NDUFS1: variants seen among roughly 807,000 people sequenced by gnomAD.
NDUFS1 encodes the protein NADH:ubiquinone oxidoreductase core subunit S1, also known as NADH-ubiquinone oxidoreductase 75 kDa subunit, mitochondrial.
Under a neutral mutation model 84.4 loss-of-function variants are expected in NDUFS1, and 61 were observed. That is an observed-to-expected ratio of 0.72 (90% CI 0.59 to 0.89). The LOEUF is 0.89. NDUFS1 is among the 40% of genes least tolerant of loss of function. The pLI is 0.00. For synonymous variants in NDUFS1, 275 were observed against 290.0 expected, an observed-to-expected ratio of 0.95 and a Z score of 0.53; for missense variants, 891 against 890.0, an observed-to-expected ratio of 1.00 and a Z score of -0.01.
In NDUFS1 at chr2:206,115,640, T is replaced by C. The variant is rs532867655; in HGVS notation, c.*8545A>G. 1 of 330,056 alleles carries C rather than the reference T, an allele frequency of 3.0e-6. No individual in the cohort carries two copies. Among genetic ancestry groups the C allele is most frequent in the African/African-American group, 2.2e-5 (1 of 45,702 alleles). 20.4% of individuals were successfully genotyped at this position (330,056 alleles called of 1,614,324 possible). On this transcript the variant is annotated 3_prime_UTR_variant, in exon 19 of 19. Coordinates refer to ENST00000233190, the MANE Select transcript of NDUFS1 (RefSeq NM_005006.7). ...AAAAACAGCACCAGCAAATGCAGTG[T>C]ATTGCAAAATTAAGATAGTGTTGTT... is the stretch of plus-strand genomic sequence containing the variant.
intron 8 of NDUFS1, among the ~76,000 whole-genome samples, 161 bp from the exon 9 acceptor site, chr2:206,145,187 C>CA: frequency 6.6e-6 from 1 of 151,100 alleles, no homozygotes; most frequent in African/African-American, 2.4e-5. Flanking sequence ...AACCCCCCAC[C>CA]TTTTTTTTTG....
intron 8 of NDUFS1, among the ~76,000 whole-genome samples, chr2:206,146,170 A>G (rs1692147073): frequency 6.6e-6 from 1 of 152,218 alleles, no homozygotes; most frequent in Admixed American, 6.5e-5. Context: ...CTACTAAACT[A>G]TGCAGACACA....
chr2:206,141,444 A>C (rs898154757), intron 12 of NDUFS1, among the ~76,000 whole-genome samples: 27 of 152,022 alleles, frequency 1.8e-4, no homozygotes, highest in Non-Finnish European at 3.4e-4. Context: ...AGGCAGGAGA[A>C]TGGCGTGAAC....
At chr2:206,158,051 C>A (rs1222324947) in intron 1 of NDUFS1, among the ~76,000 whole-genome samples, 1 of 151,118 alleles carries the variant, frequency 6.6e-6, no homozygotes, top group African/African-American at 2.4e-5. Context: ...GCAAGCCCCG[C>A]CACCCGGGTT....
At chr2:206,141,095 G>T (rs1384029829) in intron 12 of NDUFS1, among the ~76,000 whole-genome samples, 1 of 151,886 alleles carries the variant, frequency 6.6e-6, no homozygotes, top group Non-Finnish European at 1.5e-5. Context: ...TAAAAGACTC[G>T]CAAGGAGAGG....
At chr2:206,136,262 CA>C (rs1691708561) in intron 13 of NDUFS1, among the ~76,000 whole-genome samples, 1 of 150,640 alleles carries the variant, frequency 6.6e-6, no homozygotes, top group African/African-American at 2.4e-5. Flanking sequence ...CCATGGTGGT[CA>C]GGCTGGTCTC....
intron 1 of NDUFS1, among the ~76,000 whole-genome samples, chr2:206,154,748 TGAAG>T (rs1687568125): frequency 6.6e-6 from 1 of 150,626 alleles, no homozygotes; most frequent in Non-Finnish European, 1.5e-5. Flanking sequence ...CTCAGCCTCC[TGAAG>T]AGCTGGGATT....
chr2:206,137,796 T>A (rs536179663), intron 13 of NDUFS1, among the ~76,000 whole-genome samples: 1 of 152,234 alleles, frequency 6.6e-6, no homozygotes, highest in South Asian at 2.1e-4. Flanking sequence ...ATAGAAGGAC[T>A]GGTAAAATTT....
intron 13 of NDUFS1, among the ~76,000 whole-genome samples, chr2:206,133,761 TGAG>T (rs1393828345): frequency 6.6e-6 from 1 of 152,198 alleles, no homozygotes; most frequent in Non-Finnish European, 1.5e-5. Flanking sequence ...GTGGATCACT[TGAG>T]GACAGGAGTT....
In NDUFS1 at chr2:206,116,481, C is replaced by T. The variant is rs963103854; in HGVS notation, c.*7704G>A. 1.1e-5 allele frequency: 13 copies of T among 1,198,984 alleles called. No homozygotes were observed. Among genetic ancestry groups the T allele is most frequent in the Middle Eastern group, 2.6e-4 (1 of 3,774 alleles). 74.3% of individuals were successfully genotyped at this position (1,198,984 alleles called of 1,614,324 possible). A position where few individuals can be genotyped will look rare whatever the true frequency, so the allele number is the denominator to read the frequency against. On this transcript the variant is annotated 3_prime_UTR_variant, in exon 19 of 19. Coordinates refer to ENST00000233190, the MANE Select transcript of NDUFS1 (RefSeq NM_005006.7). ...GCTGCAGAGCACGGCCCGCACGCTCCGCACCACTCGCAGCGCCATGTTCCC... is the reference window on the plus strand; with the variant it reads ...GCTGCAGAGCACGGCCCGCACGCTCTGCACCACTCGCAGCGCCATGTTCCC...
At chr2:206,136,353 G>C (rs1206596603) in intron 13 of NDUFS1, among the ~76,000 whole-genome samples, 5 of 150,986 alleles carry the variant, frequency 3.3e-5, no homozygotes, top group Non-Finnish European at 1.5e-5. Flanking sequence ...CACCCAGCCT[G>C]CATCAGCTTT....
chr2:206,144,804 T>G lies in NDUFS1; in HGVS notation c.872+88A>C. ...AGTAGTCTATATTCAGTAACTAATT[T>G]GCAAATATAAAAGATAATTCTTCAA... On this transcript the variant is annotated intron_variant, in intron 9 of 18. Transcript: ENST00000233190. The G allele has an allele frequency of 7.2e-6, 10 of 1,384,398 alleles. No homozygotes were observed. The South Asian group carries it at 1.2e-4, about 17-fold the overall frequency. The allele number at this position is 1,384,398 out of a possible 1,614,324, so 85.8% of individuals were successfully genotyped here.
chr2:206,142,753 C>A lies in NDUFS1; in HGVS notation c.1066G>T (p.Asp356Tyr). The A allele has an allele frequency of 6.2e-7, 1 of 1,614,202 alleles. No individual in the cohort carries two copies. Among genetic ancestry groups the A allele is most frequent in the East Asian group, 2.2e-5 (1 of 44,886 alleles). Residue 356 changes from aspartate (D) to tyrosine (Y), a missense_variant, in exon 11 of 19, where the codon GAT becomes TAT. Transcript: ENST00000233190. ...TCAGAGTCCACTCTATTAAGCAAAT[C>A]TTTGAGAGCTACCAGGGCTTCAGCA... ...VDAEALVALK[D>Y]LLNRVDSDTL...
intron 3 of NDUFS1, among the ~76,000 whole-genome samples, chr2:206,150,347 A>G (rs1340660127): frequency 1.3e-5 from 2 of 152,022 alleles, no homozygotes; most frequent in Non-Finnish European, 2.9e-5. Context: ...TGGCTCCTAT[A>G]TGCTACCCAG....
In NDUFS1 at chr2:206,124,283, G is replaced by A. The variant is rs187863072; in HGVS notation, c.2093-7C>T. On this transcript the variant is annotated splice_region_variant and splice_polypyrimidine_tract_variant and intron_variant, in intron 18 of 18. Transcript: ENST00000233190. ...GAGGCTCTGCTAATTGAATCTGAAA[G>A]ATATTAAGAAAATGTCATTTTGATA... 3 of 1,595,962 alleles carry A rather than the reference G, an allele frequency of 1.9e-6. No homozygotes were observed. The African/African-American group carries it at 4.0e-5, about 21-fold the overall frequency.
At chr2:206,158,124 A>T (rs1463706089) in intron 1 of NDUFS1, among the ~76,000 whole-genome samples, 1 of 151,766 alleles carries the variant, frequency 6.6e-6, no homozygotes, top group Non-Finnish European at 1.5e-5. Flanking sequence ...CACCACGCCC[A>T]GCTAATTTTT....
Position 206,132,933 on chromosome 2 carries a change from T to G in NDUFS1, c.1553+12A>C. On this transcript the variant is annotated intron_variant, in intron 14 of 18. Transcript: ENST00000233190. ...TTGAATTTATAGTATATAAAGCAAT[T>G]ACTCAACAAACCTATGAAGGATATT... 6.2e-7 allele frequency: 1 copy of G among 1,608,196 alleles called. No individual in the cohort carries two copies.
At chr2:206,143,407 G>A (rs1692038834) in intron 10 of NDUFS1, among the ~76,000 whole-genome samples, 1 of 152,180 alleles carries the variant, frequency 6.6e-6, no homozygotes, top group African/African-American at 2.4e-5. Context: ...ATGAGGTCTG[G>A]AGAATGAAGT....
intron 10 of NDUFS1, 130 bp downstream of exon 10, chr2:206,143,888 A>G (rs576481412): frequency 1.3e-6 from 1 of 760,290 alleles, no homozygotes; most frequent in African/African-American, 1.7e-5. Context: ...ATGTCTGTAA[A>G]ATGGAAGGAG....
Sources: gnomAD v4.1 joint callset for allele counts (sites outside exome capture counted in the v4.1 genomes callset) on GRCh38, gnomAD v4.1.1 for gene constraint, MANE v1.5 for transcripts, NCBI Gene and HGNC (gene_info 2026-07-23, HGNC 2026-07-21) for gene names.